Variants in RBM14 observed in about 807,000 individuals in gnomAD.
RBM14 encodes RNA-binding protein 14.
RBM14 carries 5 observed loss-of-function variants against 52.8 expected under a neutral mutation model. The ratio of observed to expected loss-of-function variants is 0.09; its 90% CI spans 0.05 to 0.20. RBM14 has a LOEUF of 0.20. RBM14 is among the 10% of genes least tolerant of loss of function. The pLI is 1.00. For synonymous variants in RBM14, 411 were observed against 401.8 expected, an observed-to-expected ratio of 1.02 and a Z score of -0.28; for missense variants, 780 against 926.6, an observed-to-expected ratio of 0.84 and a Z score of 2.05.
Position 66,624,562 on chromosome 11 carries a change from CTCT to C in RBM14, c.687_689del (p.Leu230del). 1 of 1,612,688 alleles carries C rather than the reference CTCT, an allele frequency of 6.2e-7. No individual in the cohort carries two copies. ...CCTCCCCGAGCCTCTTATGTGGCTC[CTCT>C]GACGGCCCAGCCAGCTACCTACCGG... On this transcript the variant is annotated inframe_deletion, in exon 2 of 3. Transcript: ENST00000310137. This position sits in a 1 kb window ranked among gnomAD's most constrained non-coding sequence, Gnocchi z 4.7.
chr11:66,620,831 T>C lies in RBM14; in HGVS notation c.338-3383T>C, dbSNP rs477335. The C allele has an allele frequency of 3.3e-5, 5 of 152,018 alleles. No homozygotes were observed. In the South Asian group the frequency reaches 8.3e-4, roughly 25 times the overall value. 9.4% of individuals were successfully genotyped at this position (152,018 alleles called of 1,614,324 possible). On this transcript the variant is annotated intron_variant, in intron 1 of 2. Transcript: ENST00000310137. ...TAATCAGGACTGTTAGAATTGTTCC[T>C]TAATATTCCCTCAGAATGTCTGGAG...
chr11:66,617,354 C>G, intron 1 of RBM14: 1 of 1,231,532 alleles, frequency 8.1e-7, no homozygotes, highest in South Asian at 2.6e-5. Context: ...CGCGCCTTCT[C>G]CTGGTCTCCT....
chr11:66,620,643 G>A (rs1859064159), intron 1 of RBM14, among the ~76,000 whole-genome samples: 1 of 152,096 alleles, frequency 6.6e-6, no homozygotes, highest in Admixed American at 6.6e-5. Flanking sequence ...ACTCATTTGG[G>A]TAGTCATTTG....
rs10579722 is a variant in RBM14 at position 66,625,777 on chromosome 11, GTCTTC to G, written c.1802+108_1802+112del. ...ACTGGAGGCATCGGCCCCTCCCTCG[GTCTTC>G]TCTTCTCTATTTTTGTGGGATGTCC... On this transcript the variant is annotated intron_variant, in intron 2 of 2. Transcript: ENST00000310137. This position sits in a 1 kb window ranked among gnomAD's most constrained non-coding sequence, Gnocchi z 4.2. 0.053 allele frequency: 48,558 copies of G among 911,232 alleles called. 1,712 individuals are homozygous for G. Among genetic ancestry groups the G allele is most frequent in the Non-Finnish European group, 0.062 (38,197 of 612,964 alleles). 56.4% of individuals were successfully genotyped at this position (911,232 alleles called of 1,614,324 possible).
At chr11:66,622,495 A>G (rs1017433682) in intron 1 of RBM14, among the ~76,000 whole-genome samples, 3 of 152,166 alleles carry the variant, frequency 2.0e-5, no homozygotes, top group African/African-American at 7.2e-5. Context: ...TGGCCTCCCA[A>G]AGCCCTGGCA....
Position 66,629,471 on chromosome 11 carries a change from C to T in RBM14, c.*2803C>T, listed in dbSNP as rs1237375164. Among the ~76,000 whole-genome samples, 1 of 152,182 alleles carries T rather than the reference C, an allele frequency of 6.6e-6. No individual in the cohort carries two copies. Among genetic ancestry groups the T allele is most frequent in the African/African-American group, 2.4e-5 (1 of 41,432 alleles). On this transcript the variant is annotated 3_prime_UTR_variant, in exon 3 of 3. Coordinates refer to ENST00000310137, the MANE Select transcript of RBM14 (RefSeq NM_006328.4). ...ACTATCACTGAGGGGTTCAGCCTAT[C>T]CAGGTAGGCTACCGTTCTAGTCATA...
chr11:66,617,385 A>G (rs1011105171), intron 1 of RBM14: 1 of 1,160,552 alleles, frequency 8.6e-7, no homozygotes, highest in African/African-American at 1.6e-5. Context: ...CCCAGCGGAA[A>G]TTGGGAAGTG....
chr11:66,625,791 A>G lies in RBM14; in HGVS notation c.1802+113A>G. The G allele has an allele frequency of 1.2e-6, 1 of 823,620 alleles. No individual in the cohort carries two copies. Among genetic ancestry groups the G allele is most frequent in the Non-Finnish European group, 1.9e-6 (1 of 538,472 alleles). The allele number at this position is 823,620 out of a possible 1,614,324, so 51.0% of individuals were successfully genotyped here. A position where few individuals can be genotyped will look rare whatever the true frequency, so the allele number is the denominator to read the frequency against. Reference sequence around the variant, plus strand: ...CCCCTCCCTCGGTCTTCTCTTCTCTATTTTTGTGGGATGTCCAGAGGCCGA... The same window carrying G: ...CCCCTCCCTCGGTCTTCTCTTCTCTGTTTTTGTGGGATGTCCAGAGGCCGA... On this transcript the variant is annotated intron_variant, in intron 2 of 2. Coordinates refer to ENST00000310137, the MANE Select transcript of RBM14 (RefSeq NM_006328.4). This position sits in a 1 kb window ranked among gnomAD's most constrained non-coding sequence, Gnocchi z 4.2.
Position 66,626,999 on chromosome 11 carries a change from T to C in RBM14, c.*331T>C. ...TTTTTGTGCGCGATATTTAAGGTCG[T>C]CTGGATGGGGAAGCAACCTGCAGCT... On this transcript the variant is annotated 3_prime_UTR_variant, in exon 3 of 3. Transcript: ENST00000310137. 1 of 214,822 alleles carries C rather than the reference T, an allele frequency of 4.7e-6. No homozygotes were observed. Among genetic ancestry groups the C allele is most frequent in the South Asian group, 1.1e-4 (1 of 8,798 alleles). 13.3% of individuals were successfully genotyped at this position (214,822 alleles called of 1,614,324 possible).
intron 1 of RBM14, among the ~76,000 whole-genome samples, chr11:66,620,304 T>C (rs1367632302): frequency 1.3e-5 from 2 of 152,180 alleles, no homozygotes; most frequent in East Asian, 3.9e-4. Context: ...ATGTTATTTA[T>C]ATATTTATTA....
At position 66,621,719 on chromosome 11, in the gene RBM14, A is replaced by G. The variant is rs549145632; in HGVS notation, c.338-2495A>G. On this transcript the variant is annotated intron_variant, in intron 1 of 2. Coordinates refer to ENST00000310137, the MANE Select transcript of RBM14 (RefSeq NM_006328.4). ...CGTCTGTGCCAGCTTCTAAGTTTGC[A>G]TGGCATTGTGTTTTGCTTGAGATGA... is the stretch of plus-strand genomic sequence containing the variant. 1.2e-4 allele frequency among the ~76,000 whole-genome samples: 19 copies of G among 152,202 alleles called. No homozygotes were observed. In the South Asian group the frequency reaches 3.5e-3, roughly 28 times the overall value.
At chr11:66,621,840 C>G (rs1401794125) in intron 1 of RBM14, among the ~76,000 whole-genome samples, 1 of 152,204 alleles carries the variant, frequency 6.6e-6, no homozygotes, top group Non-Finnish European at 1.5e-5. Flanking sequence ...TTACAAGGCA[C>G]TTTTGTCTTT....
At chr11:66,623,793 A>G in intron 1 of RBM14, 1 of 687,332 alleles carries the variant, frequency 1.5e-6, no homozygotes, top group Non-Finnish European at 2.7e-6. Context: ...AGGCCTCAAA[A>G]GTGAGCTAGG....
At chr11:66,621,306 G>T (rs1012831079) in intron 1 of RBM14, among the ~76,000 whole-genome samples, 8 of 152,150 alleles carry the variant, frequency 5.3e-5, no homozygotes, top group African/African-American at 1.9e-4. Flanking sequence ...AAGGAAACAC[G>T]TAGCTTTTCA....
Position 66,617,029 on chromosome 11 carries a change from A to G in RBM14, c.309A>G (p.Gly103=). The change falls in exon 1 of 3, where the codon GGA becomes GGG. Residue 103 remains glycine (G), a synonymous_variant. Transcript: ENST00000310137. ...QELRSLFERR[G]RVIECDVVKD... ...TGCGCAGCCTCTTCGAGCGCCGCGG[A>G]CGCGTCATCGAGTGTGACGTGGTGA... is the stretch of plus-strand genomic sequence containing the variant. 6.2e-7 allele frequency: 1 copy of G among 1,603,644 alleles called. No individual in the cohort carries two copies. Among genetic ancestry groups the G allele is most frequent in the Non-Finnish European group, 8.5e-7 (1 of 1,173,968 alleles).
At position 66,625,329 on chromosome 11, in the gene RBM14, T is replaced by C. The variant is rs766896234; in HGVS notation, c.1453T>C (p.Ser485Pro). The change falls in exon 2 of 3, where the codon TCC (serine) becomes CCC (proline). Residue 485 changes from serine to proline, a missense_variant. Around this residue, in one of 4 missense-constraint regions of RBM14, gnomAD observed 675 missense variants for 697.3 expected, o/e 0.97. Coordinates refer to ENST00000310137, the MANE Select transcript of RBM14 (RefSeq NM_006328.4). This position sits in a 1 kb window ranked among gnomAD's most constrained non-coding sequence, Gnocchi z 4.2. ...CCAAGCATCAATGGGCCTTTCAGGC[T>C]CCTATGGGGCTCAGTCGGCTGCTGC... ...GAQASMGLSG[S>P]YGAQSAAAAT... 1 of 1,610,314 alleles carries C rather than the reference T, an allele frequency of 6.2e-7. No individual in the cohort carries two copies. The highest frequency in any genetic ancestry group is 1.3e-5 in the African/African-American group (1 of 74,614).
Position 66,625,635 on chromosome 11 carries a change from A to G in RBM14, c.1759A>G (p.Ser587Gly). The G allele has an allele frequency of 6.2e-7, 1 of 1,612,828 alleles. No homozygotes were observed. Among genetic ancestry groups the G allele is most frequent in the Non-Finnish European group, 8.5e-7 (1 of 1,179,986 alleles). ...TACCCGCCTCTCCCCACCCCGGGCC[A>G]GCTACGACGATCCCTACAAAAAGGC... ...ERTRLSPPRA[S>G]YDDPYKKAVA... is the part of the protein sequence containing the mutation. Residue 587 changes from serine to glycine, a missense_variant, in exon 2 of 3, where the codon AGC becomes GGC. Ser to Gly is a moderately conservative substitution (Grantham distance 56, BLOSUM62 0). This residue lies in a region of RBM14 where 675 missense variants were observed against 697.3 expected (regional missense o/e 0.97). Coordinates refer to ENST00000310137, the MANE Select transcript of RBM14 (RefSeq NM_006328.4). The surrounding 1 kb of genome is among the most constrained non-coding windows in gnomAD (Gnocchi z 4.2).
At position 66,616,751 on chromosome 11, in the gene RBM14, G is replaced by C; in HGVS notation, c.31G>C (p.Ala11Pro). ...GATATTCGTGGGCAACGTCGACGGG[G>C]CGGATACGACTCCGGAGGAGCTGGC... is the stretch of plus-strand genomic sequence containing the variant. The part of the protein sequence containing the change: MKIFVGNVDG[A>P]DTTPEELAAL... The change falls in exon 1 of 3, where the codon GCG (alanine) becomes CCG (proline). Residue 11 changes from alanine to proline, a missense_variant. This residue lies in a region of RBM14 where 71 missense variants were observed against 119.2 expected (regional missense o/e 0.60). Coordinates refer to ENST00000310137, the MANE Select transcript of RBM14 (RefSeq NM_006328.4). 6.2e-7 allele frequency: 1 copy of C among 1,600,510 alleles called. No homozygotes were observed. The highest frequency in any genetic ancestry group is 1.1e-5 in the South Asian group (1 of 90,880).
Position 66,628,783 on chromosome 11 carries a change from A to G in RBM14, c.*2115A>G, listed in dbSNP as rs1339688983. On this transcript the variant is annotated 3_prime_UTR_variant, in exon 3 of 3. Transcript: ENST00000310137. The stretch of plus-strand genomic sequence containing the variant: ...TATGATTGTGGCCTGTGTATTTGCA[A>G]TTTTTCTTTGTCAGTGTGGCTTTCT... Among the ~76,000 whole-genome samples the G allele has an allele frequency of 6.6e-6, 1 of 151,778 alleles. No homozygotes were observed. Among genetic ancestry groups the G allele is most frequent in the Non-Finnish European group, 1.5e-5 (1 of 67,952 alleles).
Sources: allele counts gnomAD v4.1 joint callset (sites outside exome capture counted in the v4.1 genomes callset), GRCh38; gene constraint gnomAD v4.1.1; regional missense constraint gnomAD v4.1.1; non-coding constraint Gnocchi (gnomAD v3.1); transcripts MANE v1.5; gene names NCBI Gene and HGNC (gene_info 2026-07-23, HGNC 2026-07-21).